The following ZFHX3 variants were observed in gnomAD, a reference collection of about 807,000 sequenced individuals.
ZFHX3 encodes the protein zinc finger homeobox protein 3.
In ZFHX3, 42 loss-of-function variants were observed where a neutral mutation model predicts 279.1. The ratio of observed to expected loss-of-function variants is 0.15; its 90% CI spans 0.12 to 0.19. The LOEUF is 0.19. Ranked by LOEUF, ZFHX3 falls within the 10% of genes least tolerant of loss-of-function variation. The pLI is 1.00. For missense variants in ZFHX3, 4,981 were observed against 4,754.0 expected (o/e 1.05, Z -1.40); for synonymous variants, 2,293 against 1,957.8 (o/e 1.17, Z -4.52).
intron 5 of ZFHX3, among the ~76,000 whole-genome samples, chr16:73,187,413 T>C (rs1967938303): frequency 6.6e-6 from 1 of 151,936 alleles, no homozygotes; most frequent in Non-Finnish European, 1.5e-5. Context: ...GGACAGTTTG[T>C]AGTCCTAATC....
intron 3 of ZFHX3, among the ~76,000 whole-genome samples, chr16:73,427,938 G>C (rs1367729966): frequency 1.3e-5 from 2 of 151,980 alleles, no homozygotes; most frequent in African/African-American, 4.8e-5. Flanking sequence ...GCGAGACTCT[G>C]TCTCAAAAAG....
chr16:73,154,505 A>G (rs1460318307), intron 5 of ZFHX3, among the ~76,000 whole-genome samples: 1 of 152,128 alleles, frequency 6.6e-6, no homozygotes, highest in Non-Finnish European at 1.5e-5. Flanking sequence ...CTCCCCCAAG[A>G]CACACTAAAA....
chr16:73,419,527 T>C (rs1416074167), intron 3 of ZFHX3, among the ~76,000 whole-genome samples: 1 of 152,188 alleles, frequency 6.6e-6, no homozygotes, highest in African/African-American at 2.4e-5. Flanking sequence ...CCCACAGAAC[T>C]AAAAGCTATT....
intron 2 of ZFHX3, among the ~76,000 whole-genome samples, chr16:73,475,522 T>C (rs2143613242): frequency 6.6e-6 from 1 of 152,274 alleles, no homozygotes; most frequent in South Asian, 2.1e-4. Flanking sequence ...TTTTAATCTT[T>C]TTTTCATAAA....
At chr16:73,374,516 A>AAAAACAT (rs925342974) in intron 3 of ZFHX3, among the ~76,000 whole-genome samples, 20 of 152,238 alleles carry the variant, frequency 1.3e-4, no homozygotes, top group African/African-American at 4.3e-4. Flanking sequence ...GATACAGTTT[A>AAAAACAT]AAAACATAAC....
rs2053601034 is a variant in ZFHX3, at chr16:73,735,402, A to G, written c.-1607-55162T>C. ...GCTTCTAAAAAAAAAAAAAAAAAAAAGAACTCCCCATTCTCCCCTCTCCCC... is the reference window on the plus strand; with the variant it reads ...GCTTCTAAAAAAAAAAAAAAAAAAAGGAACTCCCCATTCTCCCCTCTCCCC... On this transcript the variant is annotated intron_variant, in intron 1 of 17. Coordinates refer to the ZFHX3 transcript ENST00000641206. Among the ~76,000 whole-genome samples the G allele has an allele frequency of 4.0e-5, 6 of 148,868 alleles. No homozygotes were observed. The South Asian group carries it at 1.3e-3, about 32-fold the overall frequency.
intron 2 of ZFHX3, among the ~76,000 whole-genome samples, chr16:73,606,770 T>C (rs1173678017): frequency 6.6e-6 from 1 of 152,090 alleles, no homozygotes; most frequent in African/African-American, 2.4e-5. Flanking sequence ...GTGTGTTGTT[T>C]CCCCACATGT....
chr16:72,875,559 C>A (rs1216637093), intron 4 of ZFHX3, among the ~76,000 whole-genome samples: 1 of 152,236 alleles, frequency 6.6e-6, no homozygotes, highest in Non-Finnish European at 1.5e-5. Flanking sequence ...ACTGGAGTTG[C>A]AGCTTTCACT....
intron 1 of ZFHX3, among the ~76,000 whole-genome samples, chr16:72,974,971 T>C (rs1962287153): frequency 6.6e-6 from 1 of 152,126 alleles, no homozygotes; most frequent in African/African-American, 2.4e-5. Flanking sequence ...TCATGAGTAG[T>C]CCTCAAATCC....
intron 2 of ZFHX3, among the ~76,000 whole-genome samples, chr16:73,588,930 GA>G (rs1347566032): frequency 6.6e-6 from 1 of 151,798 alleles, no homozygotes; most frequent in African/African-American, 2.4e-5. Context: ...TAGAACACAA[GA>G]GAGCCCAGAG....
At chr16:73,508,791 C>T (rs753812452) in intron 2 of ZFHX3, among the ~76,000 whole-genome samples, 1 of 152,146 alleles carries the variant, frequency 6.6e-6, no homozygotes, top group Non-Finnish European at 1.5e-5. Context: ...CCTTAAAAGG[C>T]AAAAATAGAA....
At chr16:73,486,402 A>C (rs1278762712) in intron 2 of ZFHX3, among the ~76,000 whole-genome samples, 1 of 151,996 alleles carries the variant, frequency 6.6e-6, no homozygotes, top group Non-Finnish European at 1.5e-5. Flanking sequence ...CTTTTCAATA[A>C]ATCTTTGCTT....
chr16:73,443,702 C>A (rs756326739), intron 3 of ZFHX3, among the ~76,000 whole-genome samples: 1 of 152,070 alleles, frequency 6.6e-6, no homozygotes, highest in Non-Finnish European at 1.5e-5. Flanking sequence ...AATAATGATT[C>A]AAAAATATCC....
intron 3 of ZFHX3, among the ~76,000 whole-genome samples, chr16:73,328,669 C>G (rs1284855237): frequency 6.6e-6 from 1 of 152,172 alleles, no homozygotes; most frequent in Non-Finnish European, 1.5e-5. Context: ...ATGAAATAAA[C>G]AGGCAAACCA....
intron 2 of ZFHX3, among the ~76,000 whole-genome samples, chr16:73,490,533 C>G (rs2019042001): frequency 1.3e-5 from 2 of 152,110 alleles, no homozygotes; most frequent in African/African-American, 4.8e-5. Flanking sequence ...TTAACAAATC[C>G]CTTTGCGTTA....
chr16:72,943,090 G>A (rs111636377), intron 3 of ZFHX3, among the ~76,000 whole-genome samples: 15 of 152,274 alleles, frequency 9.9e-5, no homozygotes, highest in African/African-American at 3.1e-4. Context: ...GTAAGAGAAT[G>A]GAGAATGAGA....
chr16:73,651,799 G>A (rs2052674597), intron 2 of ZFHX3, among the ~76,000 whole-genome samples: 1 of 148,112 alleles, frequency 6.8e-6, no homozygotes, highest in African/African-American at 2.5e-5. Flanking sequence ...AGCGAGCAGT[G>A]AGCGCAGATC....
chr16:73,128,808 T>C (rs1221819053), intron 7 of ZFHX3, among the ~76,000 whole-genome samples: 3 of 152,204 alleles, frequency 2.0e-5, no homozygotes, highest in African/African-American at 7.2e-5. Context: ...TCATTTGTGA[T>C]ACAAACAAGG....
At chr16:73,189,625 G>C (rs1332414470) in intron 5 of ZFHX3, among the ~76,000 whole-genome samples, 1 of 152,208 alleles carries the variant, frequency 6.6e-6, no homozygotes, top group Non-Finnish European at 1.5e-5. Flanking sequence ...CATGTTCCTT[G>C]ATGCCCACTT....
Sources: gnomAD v4.1 joint callset for allele counts (sites outside exome capture counted in the v4.1 genomes callset) on GRCh38, gnomAD v4.1.1 for gene constraint, MANE v1.5 for transcripts, NCBI Gene and HGNC (gene_info 2026-07-23, HGNC 2026-07-21) for gene names.